Variants in NUDT3 observed in about 807,000 individuals in gnomAD.
The protein encoded by NUDT3 is diphosphoinositol polyphosphate phosphohydrolase 1.
Under a neutral mutation model 23.6 loss-of-function variants are expected in NUDT3, and 9 were observed. That is an observed-to-expected ratio of 0.38 (90% confidence interval 0.23 to 0.66). The LOEUF is 0.66. NUDT3 is among the 30% of genes least tolerant of loss of function. The pLI is 0.52. For synonymous variants in NUDT3, 86 were observed against 82.6 expected (o/e 1.04, Z -0.22); for missense variants, 172 against 218.5 (o/e 0.79, Z 1.34).
chr6:34,381,814 C>T (rs1356720775), intron 1 of NUDT3, among the ~76,000 whole-genome samples: 1 of 151,906 alleles, frequency 6.6e-6, no homozygotes, highest in Non-Finnish European at 1.5e-5. Flanking sequence ...GTGGCTCACA[C>T]CTGTAATCCC....
chr6:34,385,171 A>C (rs1765085102), intron 1 of NUDT3, among the ~76,000 whole-genome samples: 1 of 152,022 alleles, frequency 6.6e-6, no homozygotes, highest in Admixed American at 6.6e-5. Flanking sequence ...ATATTAAATA[A>C]TCAGGCCAGA....
In NUDT3 at chr6:34,339,942, G is replaced by A. The variant is rs558946248; in HGVS notation, c.210+1920C>T. Reference sequence around the variant, plus strand: ...TCAAAGTCAAATCCTAGACGGTGACGGCTTAGTAGTTTAAACATGGAACCG... The same window carrying A: ...TCAAAGTCAAATCCTAGACGGTGACAGCTTAGTAGTTTAAACATGGAACCG... On this transcript the variant is annotated intron_variant, in intron 2 of 4. Coordinates refer to ENST00000607016, the MANE Select transcript of NUDT3 (RefSeq NM_006703.4). 5.9e-5 allele frequency among the ~76,000 whole-genome samples: 9 copies of A among 152,194 alleles called. No individual in the cohort carries two copies. In the East Asian group the frequency reaches 1.2e-3, roughly 20 times the overall value.
At chr6:34,359,443 T>A (rs1434740492) in intron 1 of NUDT3, among the ~76,000 whole-genome samples, 1 of 152,204 alleles carries the variant, frequency 6.6e-6, no homozygotes, top group Non-Finnish European at 1.5e-5. Context: ...ATCCTCCCAC[T>A]TCCTGGCAAC....
At chr6:34,370,045 T>A (rs1313124808) in intron 1 of NUDT3, among the ~76,000 whole-genome samples, 1 of 152,202 alleles carries the variant, frequency 6.6e-6, no homozygotes, top group Non-Finnish European at 1.5e-5. Context: ...CACTACATTT[T>A]TCTTGATTTA....
chr6:34,358,849 A>G (rs548394673), intron 1 of NUDT3, among the ~76,000 whole-genome samples: 7 of 152,358 alleles, frequency 4.6e-5, no homozygotes, highest in Non-Finnish European at 8.8e-5. Context: ...ATGGTGGACC[A>G]GGAATAATAC....
intron 1 of NUDT3, among the ~76,000 whole-genome samples, chr6:34,363,121 C>T (rs760436454): frequency 1.3e-5 from 2 of 152,174 alleles, no homozygotes; most frequent in Non-Finnish European, 2.9e-5. Context: ...CCTGCCAGGA[C>T]GTGGTTTTCC....
chr6:34,325,558 T>C (rs1399171402), intron 2 of NUDT3, among the ~76,000 whole-genome samples: 2 of 152,228 alleles, frequency 1.3e-5, no homozygotes, highest in Non-Finnish European at 2.9e-5. Flanking sequence ...TGCTGTATTT[T>C]TGTGTATGAG....
chr6:34,359,958 A>G (rs1366769076), intron 1 of NUDT3, among the ~76,000 whole-genome samples: 3 of 152,314 alleles, frequency 2.0e-5, no homozygotes, highest in Non-Finnish European at 4.4e-5. Flanking sequence ...GTGACATGTT[A>G]AAACTAGTTT....
intron 1 of NUDT3, among the ~76,000 whole-genome samples, chr6:34,371,563 G>C (rs1408838458): frequency 6.6e-6 from 1 of 152,132 alleles, no homozygotes; most frequent in Non-Finnish European, 1.5e-5. Context: ...CTACTAAATT[G>C]TTATTGATTC....
At chr6:34,304,665 T>G (rs1261111493) in intron 2 of NUDT3, among the ~76,000 whole-genome samples, 1 of 151,804 alleles carries the variant, frequency 6.6e-6, no homozygotes, top group Non-Finnish European at 1.5e-5. Context: ...TCCTTTTTTT[T>G]TTTGTTTTTT....
intron 1 of NUDT3, among the ~76,000 whole-genome samples, chr6:34,356,571 A>G (rs979690687): frequency 2.6e-5 from 4 of 152,216 alleles, no homozygotes; most frequent in African/African-American, 9.7e-5. Context: ...TAACAGCAAC[A>G]GACTAGAATA....
In NUDT3 at chr6:34,367,762, T is replaced by C. The variant is rs147908325; in HGVS notation, c.99+24502A>G. ...TTGCTTCTAGCCTTGCATTTGGACA[T>C]TGCTGCTCTAAGGCAAGCTCAGAGC... On this transcript the variant is annotated intron_variant, in intron 1 of 4. Coordinates refer to ENST00000607016, the MANE Select transcript of NUDT3 (RefSeq NM_006703.4). 9.2e-3 allele frequency among the ~76,000 whole-genome samples: 1,403 copies of C among 152,334 alleles called. 16 individuals are homozygous for C. Among genetic ancestry groups the C allele is most frequent in the Middle Eastern group, 0.024 (7 of 294 alleles).
intron 2 of NUDT3, among the ~76,000 whole-genome samples, chr6:34,336,725 GTTTTT>G (rs775402445): frequency 6.8e-6 from 1 of 147,554 alleles, no homozygotes; most frequent in South Asian, 2.2e-4. Flanking sequence ...GCTTTATAAA[GTTTTT>G]TTTTTAAGTA....
chr6:34,312,234 T>C (rs577922036), intron 2 of NUDT3, among the ~76,000 whole-genome samples: 1 of 152,062 alleles, frequency 6.6e-6, no homozygotes, highest in African/African-American at 2.4e-5. Context: ...AAACCCCGTC[T>C]CTACTAAAAA....
chr6:34,371,060 G>A (rs569984628), intron 1 of NUDT3, among the ~76,000 whole-genome samples: 4 of 151,712 alleles, frequency 2.6e-5, no homozygotes, highest in Admixed American at 6.6e-5. Flanking sequence ...GCAGTGAACC[G>A]AGATCGTACC....
At chr6:34,357,029 G>A (rs1420888982) in intron 1 of NUDT3, among the ~76,000 whole-genome samples, 3 of 151,988 alleles carry the variant, frequency 2.0e-5, no homozygotes, top group Non-Finnish European at 4.4e-5. Flanking sequence ...CGCCTGCCTC[G>A]GCCTCCCAAA....
rs190015992 is a variant in NUDT3 at position 34,296,279 on chromosome 6, A to T, written c.211-594T>A. ...GTGAGACCATGTCTCAAAAATAAAT[A>T]AATTAATTAATTGGTTGGGTACTAT... On this transcript the variant is annotated intron_variant, in intron 2 of 4. Coordinates refer to ENST00000607016, the MANE Select transcript of NUDT3 (RefSeq NM_006703.4). Among the ~76,000 whole-genome samples, 122 of 148,338 alleles carry T rather than the reference A, an allele frequency of 8.2e-4. 1 individual carries two copies. In the South Asian group the frequency reaches 0.016, roughly 20 times the overall value.
chr6:34,363,137 A>G (rs1361422458), intron 1 of NUDT3, among the ~76,000 whole-genome samples: 1 of 152,106 alleles, frequency 6.6e-6, no homozygotes, highest in African/African-American at 2.4e-5. Flanking sequence ...TTTCCCCTCT[A>G]CTTTGCTGGG....
intron 2 of NUDT3, among the ~76,000 whole-genome samples, chr6:34,315,627 A>G (rs1462710491): frequency 6.6e-6 from 1 of 152,210 alleles, no homozygotes; most frequent in Non-Finnish European, 1.5e-5. Flanking sequence ...ATCTGTTATA[A>G]ATATGTATTC....
Sources: allele counts gnomAD v4.1 joint callset (sites outside exome capture counted in the v4.1 genomes callset), GRCh38; gene constraint gnomAD v4.1.1; transcripts MANE v1.5; gene names NCBI Gene and HGNC (gene_info 2026-07-23, HGNC 2026-07-21).